MGA: variants seen among roughly 807,000 people sequenced by gnomAD.
The protein encoded by MGA is MAX gene-associated protein.
MGA carries 40 observed loss-of-function variants against 261.1 expected under a neutral mutation model. The observed-to-expected ratio is 0.15, with a 90% CI of 0.12 to 0.20. MGA has a LOEUF of 0.20. Among genes scored for constraint, MGA ranks in the 10% least tolerant of loss-of-function variants. The pLI, the probability that MGA is intolerant of heterozygous loss-of-function variation, is 1.00. For synonymous variants in MGA, 1,302 were observed against 1,290.6 expected (o/e 1.01, Z -0.19); for missense variants, 3,397 against 3,630.5 (o/e 0.94, Z 1.65).
intron 2 of MGA, 80 bp downstream of exon 2, chr15:41,670,038 G>C (rs1776123179): frequency 2.6e-6 from 3 of 1,139,076 alleles, no homozygotes; most frequent in Non-Finnish European, 3.7e-6. Flanking sequence ...TCTTGGTTCT[G>C]TGGAATGCTA....
intron 13 of MGA, among the ~76,000 whole-genome samples, chr15:41,737,325 T>C (rs1010698221): frequency 1.4e-5 from 2 of 146,528 alleles, no homozygotes; most frequent in Non-Finnish European, 3.0e-5. Context: ...TTTGTTTTTG[T>C]TTTTTTTTTA....
chr15:41,767,305 C>A lies in MGA; in HGVS notation c.*25C>A. 6.3e-7 allele frequency: 1 copy of A among 1,576,118 alleles called. No homozygotes were observed. The highest frequency in any genetic ancestry group is 8.6e-7 in the Non-Finnish European group (1 of 1,159,820). On this transcript the variant is annotated 3_prime_UTR_variant, in exon 24 of 24. Transcript: ENST00000219905. ...AACTTACTTGTCCTTAAGCAGAAGC[C>A]AGGCTGTGAGGGGAAATAGATCTCA...
rs771535306 is a variant in MGA at position 41,711,143 on chromosome 15, G to A, written c.2878G>A (p.Asp960Asn). ...GAATAACTTTGTTGTGCCAACTTTG[G>A]ATGAAAATATATTTCCAAAGCAGAT... Residue 960 changes from aspartate to asparagine, a missense_variant, in exon 8 of 24, where the codon GAT becomes AAT. Physicochemically the swap from Asp to Asn is conservative, Grantham distance 23 (BLOSUM62 1). Transcript: ENST00000219905. 1.2e-6 allele frequency: 2 copies of A among 1,614,032 alleles called. No homozygotes were observed. The highest frequency in any genetic ancestry group is 8.5e-7 in the Non-Finnish European group (1 of 1,179,906).
chr15:41,716,408 T>C (rs945132720), intron 9 of MGA, among the ~76,000 whole-genome samples: 13 of 151,930 alleles, frequency 8.6e-5, no homozygotes, highest in African/African-American at 2.9e-4. Context: ...GAGCCGAGAT[T>C]GTGCCACTGC....
intron 2 of MGA, among the ~76,000 whole-genome samples, chr15:41,670,256 C>T (rs1228687903): frequency 6.6e-6 from 1 of 151,924 alleles, no homozygotes; most frequent in Non-Finnish European, 1.5e-5. Context: ...CCCAAGAATA[C>T]CAACACCTGA....
At chr15:41,738,441 CTT>C (rs2061911584) in intron 13 of MGA, among the ~76,000 whole-genome samples, 1 of 152,152 alleles carries the variant, frequency 6.6e-6, no homozygotes, top group African/African-American at 2.4e-5. Context: ...AATTAAAAAA[CTT>C]ATTATTGCAG....
At chr15:41,640,214 T>A (rs1237517713) in intron 1 of MGA, among the ~76,000 whole-genome samples, 1 of 151,922 alleles carries the variant, frequency 6.6e-6, no homozygotes, top group Non-Finnish European at 1.5e-5. Flanking sequence ...AATGCAAAGG[T>A]TCAGATAAAA....
intron 17 of MGA, among the ~76,000 whole-genome samples, chr15:41,753,167 T>C (rs565535907): frequency 1.3e-5 from 2 of 152,268 alleles, no homozygotes; most frequent in South Asian, 4.1e-4. Flanking sequence ...TCCAACACTT[T>C]GGGAGGCTGA....
At chr15:41,720,395 C>T (rs2060877018) in intron 9 of MGA, among the ~76,000 whole-genome samples, 1 of 152,038 alleles carries the variant, frequency 6.6e-6, no homozygotes, top group African/African-American at 2.4e-5. Flanking sequence ...AAAATTTTGG[C>T]TGATGGCATG....
intron 1 of MGA, among the ~76,000 whole-genome samples, chr15:41,654,814 G>A (rs2057131519): frequency 6.6e-6 from 1 of 152,044 alleles, no homozygotes; most frequent in African/African-American, 2.4e-5. Context: ...GTGCCTGACT[G>A]ACATTTTCCC....
At chr15:41,621,673 T>A (rs1221773504) in intron 1 of MGA, 1 of 147,272 alleles carries the variant, frequency 6.8e-6, no homozygotes, top group Non-Finnish European at 1.5e-5. Context: ...GTGTTAAGAG[T>A]CTGGGTGTTT....
At chr15:41,672,886 A>ACG (rs1318305355) in intron 2 of MGA, among the ~76,000 whole-genome samples, 2 of 148,276 alleles carry the variant, frequency 1.3e-5, no homozygotes, top group Non-Finnish European at 3.0e-5. Context: ...ACACACACAC[A>ACG]CACACTATTT....
At chr15:41,673,539 T>TA (rs2058194883) in intron 2 of MGA, among the ~76,000 whole-genome samples, 2 of 131,542 alleles carry the variant, frequency 1.5e-5, no homozygotes, top group Non-Finnish European at 1.7e-5. Context: ...TTTCTTTCTT[T>TA]CTTTTTTTTT....
At chr15:41,735,711 C>T (rs942243196) in intron 12 of MGA, among the ~76,000 whole-genome samples, 3 of 150,190 alleles carry the variant, frequency 2.0e-5, no homozygotes, top group Non-Finnish European at 4.4e-5. Flanking sequence ...TCCAGCCTGG[C>T]GACAGAGCTA....
chr15:41,734,730 G>A (rs2061681488), intron 12 of MGA, 136 bp downstream of exon 12: 1 of 652,394 alleles, frequency 1.5e-6, no homozygotes, highest in Non-Finnish European at 2.4e-6. Flanking sequence ...CAAAAACAGG[G>A]ACAATAAGTA....
intron 9 of MGA, among the ~76,000 whole-genome samples, chr15:41,725,244 C>T (rs911218357): frequency 2.0e-5 from 3 of 151,978 alleles, no homozygotes; most frequent in South Asian, 2.1e-4. Flanking sequence ...AGGCTGAGGC[C>T]GCAGGATTGC....
intron 1 of MGA, among the ~76,000 whole-genome samples, chr15:41,623,773 ATATTTT>A (rs1179444437): frequency 2.9e-3 from 304 of 104,688 alleles, no homozygotes; most frequent in African/African-American, 8.6e-3. Flanking sequence ...ATATATATAT[ATATTTT>A]TTTTTTTTTT....
intron 5 of MGA, among the ~76,000 whole-genome samples, chr15:41,699,702 G>A (rs1290650042): frequency 2.0e-5 from 3 of 152,182 alleles, no homozygotes; most frequent in Admixed American, 1.3e-4. Flanking sequence ...CGGTTTCACC[G>A]TGTTAGCCAG....
At chr15:41,653,019 G>A (rs2057098632) in intron 1 of MGA, among the ~76,000 whole-genome samples, 1 of 152,114 alleles carries the variant, frequency 6.6e-6, no homozygotes, top group African/African-American at 2.4e-5. Context: ...CCGCATTCAA[G>A]TTGCTTTGAA....
Sources: gnomAD v4.1 joint callset for allele counts (sites outside exome capture counted in the v4.1 genomes callset) on GRCh38, gnomAD v4.1.1 for gene constraint, MANE v1.5 for transcripts, NCBI Gene and HGNC (gene_info 2026-07-23, HGNC 2026-07-21) for gene names.